LYN: variants seen among roughly 807,000 people sequenced by gnomAD.
LYN encodes the protein tyrosine-protein kinase Lyn.
A neutral mutation model predicts 65.0 loss-of-function variants in LYN; 12 were observed. The observed-to-expected ratio is 0.18, with a 90% CI of 0.12 to 0.30. LYN has a LOEUF of 0.30. Ranked by LOEUF, LYN falls within the 10% of genes least tolerant of loss-of-function variation. The pLI, the probability that LYN is intolerant of heterozygous loss-of-function variation, is 1.00. For synonymous variants in LYN, 222 were observed against 221.2 expected (o/e 1.00, Z -0.03); for missense variants, 380 against 623.2 (o/e 0.61, Z 4.16).
chr8:56,001,989 A>C (rs944360306), intron 12 of LYN, among the ~76,000 whole-genome samples: 1 of 152,180 alleles, frequency 6.6e-6, no homozygotes, highest in African/African-American at 2.4e-5. Flanking sequence ...CATTTTTTGA[A>C]AAAAGAACTG....
rs753021909 is a variant in LYN at position 56,010,020 on chromosome 8, G to A, written c.1449G>A (p.Lys483=). The A allele has an allele frequency of 2.7e-5, 43 of 1,614,060 alleles. No homozygotes were observed. The highest frequency in any genetic ancestry group is 3.5e-5 in the Non-Finnish European group (41 of 1,180,026). The change falls in exon 13 of 13, where the codon AAG becomes AAA. Residue 483 remains lysine, a synonymous_variant. Transcript: ENST00000519728. ...YDIMKMCWKE[K]AEERPTFDYL... ...TTATGAAAATGTGCTGGAAAGAAAAGGCAGAAGAGAGACCAACGTTTGACT... is the reference window on the plus strand; with the variant it reads ...TTATGAAAATGTGCTGGAAAGAAAAAGCAGAAGAGAGACCAACGTTTGACT...
intron 2 of LYN, among the ~76,000 whole-genome samples, chr8:55,943,432 C>T (rs754011006): frequency 4.0e-5 from 6 of 151,056 alleles, no homozygotes; most frequent in African/African-American, 1.2e-4. Context: ...AAAAATTAGC[C>T]GGGTGTGGTG....
chr8:56,010,572 TAAAA>T lies in LYN; in HGVS notation c.*474_*477del. 4.9e-6 allele frequency: 1 copy of T among 202,462 alleles called. No individual in the cohort carries two copies. The highest frequency in any genetic ancestry group is 9.8e-6 in the Non-Finnish European group (1 of 101,898). 12.5% of individuals were successfully genotyped at this position (202,462 alleles called of 1,614,324 possible). A position where few individuals can be genotyped will look rare whatever the true frequency, so the allele number is the denominator to read the frequency against. ...TTCTTTGTGCTTTGGCTTACTTGTT[TAAAA>T]AAAAAAAAAAACTAATCCAACCTGT... On this transcript the variant is annotated 3_prime_UTR_variant, in exon 13 of 13. Transcript: ENST00000519728.
At chr8:55,928,131 ATC>A (rs1468742708) in intron 1 of LYN, among the ~76,000 whole-genome samples, 1 of 152,082 alleles carries the variant, frequency 6.6e-6, no homozygotes, top group East Asian at 1.9e-4. Context: ...AGTAGAGTAT[ATC>A]TCATTGTTGC....
intron 10 of LYN, among the ~76,000 whole-genome samples, chr8:55,988,605 T>C (rs60970769): frequency 0.01 from 1,533 of 152,232 alleles, 30 homozygotes; most frequent in African/African-American, 0.035. Context: ...CTAAAACAGG[T>C]AAAGCACCAG....
At chr8:55,929,637 C>T (rs1806202765) in intron 1 of LYN, among the ~76,000 whole-genome samples, 1 of 152,158 alleles carries the variant, frequency 6.6e-6, no homozygotes, top group African/African-American at 2.4e-5. Context: ...TGTTTGAAGA[C>T]ATTTTTGGTT....
At chr8:55,980,423 T>A (rs1201046018) in intron 10 of LYN, 2 of 152,268 alleles carry the variant, frequency 1.3e-5, no homozygotes, top group Admixed American at 1.3e-4. Context: ...CCGAACTTAG[T>A]GCAGACACCG....
Position 55,953,824 on chromosome 8 carries a change from C to T in LYN, c.638-8C>T. ...TTTCTTAACCTTCATTTTTCCCTTT[C>T]AAATTAGAGCAGGCAGATGGCTTGT... On this transcript the variant is annotated splice_region_variant and splice_polypyrimidine_tract_variant and intron_variant, in intron 7 of 12. Transcript: ENST00000519728. The T allele has an allele frequency of 6.2e-7, 1 of 1,610,216 alleles. No individual in the cohort carries two copies. The highest frequency in any genetic ancestry group is 8.5e-7 in the Non-Finnish European group (1 of 1,178,696).
chr8:55,999,707 C>T (rs1382205447), intron 12 of LYN, among the ~76,000 whole-genome samples, 158 bp downstream of exon 12: 2 of 152,220 alleles, frequency 1.3e-5, no homozygotes, highest in African/African-American at 4.8e-5. Context: ...CATGGTGGCT[C>T]ACGCCTGTAA....
At chr8:55,926,221 A>G (rs1248922933) in intron 1 of LYN, among the ~76,000 whole-genome samples, 1 of 152,088 alleles carries the variant, frequency 6.6e-6, no homozygotes, top group Non-Finnish European at 1.5e-5. Flanking sequence ...CTTATCTTCA[A>G]CTCAGTGGCT....
intron 6 of LYN, among the ~76,000 whole-genome samples, chr8:55,951,293 T>A (rs1408164380): frequency 6.6e-6 from 1 of 151,916 alleles, no homozygotes; most frequent in Non-Finnish European, 1.5e-5. Context: ...AAAGCACACA[T>A]GATTGTGGCC....
intron 1 of LYN, chr8:55,893,804 T>G (rs1488547040): frequency 6.6e-6 from 1 of 152,052 alleles, no homozygotes; most frequent in Non-Finnish European, 1.5e-5. Flanking sequence ...GTTTTGTTTT[T>G]TTTTAGAAGC....
At chr8:55,904,006 C>CAAA (rs5891599) in intron 1 of LYN, among the ~76,000 whole-genome samples, 6 of 150,756 alleles carry the variant, frequency 4.0e-5, no homozygotes, top group Non-Finnish European at 7.4e-5. Context: ...GACAGAGTCT[C>CAAA]AAAAAAAAAG....
At chr8:55,999,639 T>C in intron 12 of LYN, 90 bp downstream of exon 12, 1 of 1,274,196 alleles carries the variant, frequency 7.8e-7, no homozygotes, top group Admixed American at 1.8e-5. Context: ...AATTACTTCA[T>C]CTACCCGATA....
At chr8:55,944,419 A>C (rs1434058704) in intron 2 of LYN, among the ~76,000 whole-genome samples, 1 of 152,184 alleles carries the variant, frequency 6.6e-6, no homozygotes, top group Non-Finnish European at 1.5e-5. Flanking sequence ...GATTTTTCTC[A>C]TACCATATGC....
At chr8:55,979,050 C>CTTTT (rs11287133) in intron 10 of LYN, among the ~76,000 whole-genome samples, 21 of 74,262 alleles carry the variant, frequency 2.8e-4, no homozygotes, top group East Asian at 8.0e-4. Flanking sequence ...ACTTCTCATT[C>CTTTT]TTTTTTTTTT....
chr8:55,986,951 A>G (rs918678124), intron 10 of LYN, among the ~76,000 whole-genome samples: 2 of 152,126 alleles, frequency 1.3e-5, no homozygotes, highest in Admixed American at 1.3e-4. Flanking sequence ...TCTGAACTCA[A>G]GTGATCCTTC....
chr8:55,953,696 A>G, intron 7 of LYN, 136 bp from the exon 8 acceptor site: 1 of 627,954 alleles, frequency 1.6e-6, no homozygotes, highest in Non-Finnish European at 2.6e-6. Flanking sequence ...AGTCACAATT[A>G]TGTCAAGGAT....
intron 1 of LYN, among the ~76,000 whole-genome samples, chr8:55,939,127 G>T (rs1008129954): frequency 6.6e-6 from 1 of 152,154 alleles, no homozygotes; most frequent in Non-Finnish European, 1.5e-5. Flanking sequence ...ACAGCATAAG[G>T]AATTGCAAGA....
Sources: gnomAD v4.1 joint callset for allele counts (sites outside exome capture counted in the v4.1 genomes callset) on GRCh38, gnomAD v4.1.1 for gene constraint, MANE v1.5 for transcripts, NCBI Gene and HGNC (gene_info 2026-07-23, HGNC 2026-07-21) for gene names.